The following CYB5R3 variants were observed in gnomAD, a reference collection of about 807,000 sequenced individuals.
The protein encoded by CYB5R3 is cytochrome b5 reductase 3.
Under a neutral mutation model 36.5 loss-of-function variants are expected in CYB5R3, and 28 were observed. The ratio of observed to expected loss-of-function variants is 0.77; its 90% CI spans 0.57 to 1.05. The LOEUF is 1.05. CYB5R3 is among the 50% of genes least tolerant of loss of function. CYB5R3 has a pLI of 0.00. For missense variants in CYB5R3, 474 were observed against 408.9 expected (o/e 1.16, Z -1.37); for synonymous variants, 181 against 159.8 (o/e 1.13, Z -1.00).
At chr22:42,630,850 C>T (rs1482061943) in intron 4 of CYB5R3, 32 bp downstream of exon 4, 5 of 1,574,234 alleles carry the variant, frequency 3.2e-6, no homozygotes, top group Admixed American at 3.5e-5. Context: ...CCCACCCACA[C>T]CCCCTCCACA....
chr22:42,620,395 A>G (rs2146860721), intron 8 of CYB5R3, among the ~76,000 whole-genome samples: 1 of 152,180 alleles, frequency 6.6e-6, no homozygotes, highest in African/African-American at 2.4e-5. Context: ...GCTCTGCCCC[A>G]GGCTGCTCAG....
intron 7 of CYB5R3, among the ~76,000 whole-genome samples, chr22:42,626,694 A>G (rs1263478854): frequency 6.6e-6 from 1 of 152,164 alleles, no homozygotes; most frequent in Non-Finnish European, 1.5e-5. Flanking sequence ...TCTCCCCCAA[A>G]TCTACGTCAT....
intron 8 of CYB5R3, among the ~76,000 whole-genome samples, chr22:42,620,787 T>C (rs1294496375): frequency 6.6e-6 from 1 of 152,200 alleles, no homozygotes; most frequent in South Asian, 2.1e-4. Flanking sequence ...CTTTATCTCA[T>C]GGACTCCATG....
At position 42,619,795 on chromosome 22, in the gene CYB5R3, G is replaced by A. The variant is rs768095972; in HGVS notation, c.884C>T (p.Thr295Met). Residue 295 changes from threonine (T) to methionine (M), a missense_variant, in exon 9 of 9, where the codon ACG becomes ATG. Transcript: ENST00000352397. ...CCCTCAGAAGACGAAGCAGCGCTCCGTGGGGTGGCCCACGTGGTCCAGGTT... is the reference window on the plus strand; with the variant it reads ...CCCTCAGAAGACGAAGCAGCGCTCCATGGGGTGGCCCACGTGGTCCAGGTT... ...LPNLDHVGHPTERCFVF is the reference protein window; with the variant it reads ...LPNLDHVGHPMERCFVF 4 of 1,592,796 alleles carry A rather than the reference G, an allele frequency of 2.5e-6. No homozygotes were observed. The Admixed American group carries it at 5.3e-5, about 21-fold the overall frequency.
chr22:42,646,551 C>A, intron 1 of CYB5R3: 1 of 689,038 alleles, frequency 1.5e-6, no homozygotes, highest in Non-Finnish European at 1.8e-6. Flanking sequence ...GAGAGAGCTG[C>A]CAGGGCCCCC....
rs149268873 is a variant in CYB5R3, at chr22:42,631,410, G to A, written c.194C>T (p.Pro65Leu). The A allele has an allele frequency of 2.6e-6, 4 of 1,551,638 alleles. No individual in the cohort carries two copies. Among genetic ancestry groups the A allele is most frequent in the Admixed American group, 2.0e-5 (1 of 51,004 alleles). ...HDTRRFRFAL[P>L]SPQHILGLPV... ...GAGGCCCAGGATGTGCTGGGGTGAC[G>A]GCAGGGCAAAGCGGAAGCGCCGGGT... Residue 65 changes from proline (P) to leucine (L), a missense_variant, in exon 3 of 9, where the codon CCG becomes CTG. By Grantham distance (98) the Pro-to-Leu change is moderately conservative (BLOSUM62 -3). Transcript: ENST00000352397.
At chr22:42,642,983 A>G (rs1349394312) in intron 1 of CYB5R3, among the ~76,000 whole-genome samples, 1 of 152,184 alleles carries the variant, frequency 6.6e-6, no homozygotes, top group Admixed American at 6.5e-5. Context: ...GCTGAGAAAC[A>G]AGTTCCTTGC....
chr22:42,624,833 C>T (rs934696951), intron 7 of CYB5R3, among the ~76,000 whole-genome samples: 6 of 152,156 alleles, frequency 3.9e-5, no homozygotes, highest in African/African-American at 1.4e-4. Context: ...GAGGCAGCCA[C>T]AGACGTGACT....
At chr22:42,638,252 C>T (rs968912631) in intron 1 of CYB5R3, among the ~76,000 whole-genome samples, 2 of 151,528 alleles carry the variant, frequency 1.3e-5, no homozygotes, top group Non-Finnish European at 1.5e-5. Flanking sequence ...AAAAATTAGC[C>T]GGGCGTGGTG....
chr22:42,640,551 G>A (rs1929205135), intron 1 of CYB5R3: 1 of 171,348 alleles, frequency 5.8e-6, no homozygotes, highest in Non-Finnish European at 1.2e-5. Flanking sequence ...GCTAATTTTT[G>A]TACTTTTAGT....
In CYB5R3 at chr22:42,627,257, C is replaced by T. The variant is rs78965139; in HGVS notation, c.633+47G>A. 182 of 1,539,486 alleles carry T rather than the reference C, an allele frequency of 1.2e-4. No individual in the cohort carries two copies. The African/African-American group carries it at 2.3e-3, about 20-fold the overall frequency. Reference sequence around the variant, plus strand: ...CAGCACCTGACCAGGCCCGAAGTCCCCTCTCAGGGTAAGCTGAGTTTCCCC... The same window carrying T: ...CAGCACCTGACCAGGCCCGAAGTCCTCTCTCAGGGTAAGCTGAGTTTCCCC... On this transcript the variant is annotated intron_variant, in intron 7 of 8. Coordinates refer to ENST00000352397, the MANE Select transcript of CYB5R3 (RefSeq NM_000398.7).
intron 2 of CYB5R3, among the ~76,000 whole-genome samples, chr22:42,634,635 T>G (rs1029934595): frequency 4.8e-5 from 7 of 145,794 alleles, no homozygotes; most frequent in African/African-American, 1.8e-4. Context: ...ATTGATTGAT[T>G]GATTGATTGA....
chr22:42,625,706 G>A (rs1928231475), intron 7 of CYB5R3, among the ~76,000 whole-genome samples: 1 of 152,086 alleles, frequency 6.6e-6, no homozygotes, highest in Non-Finnish European at 1.5e-5. Flanking sequence ...ACGGAGGAAG[G>A]TAGGAGAGGA....
chr22:42,620,409 G>A (rs185675870), intron 8 of CYB5R3, among the ~76,000 whole-genome samples: 1 of 152,144 alleles, frequency 6.6e-6, no homozygotes, highest in Admixed American at 6.5e-5. Context: ...TGCTCAGGGT[G>A]ACAGTCTCTA....
chr22:42,626,537 C>T (rs1448187210), intron 7 of CYB5R3, among the ~76,000 whole-genome samples: 1 of 152,168 alleles, frequency 6.6e-6, no homozygotes, highest in Non-Finnish European at 1.5e-5. Flanking sequence ...GCCCTCTCTC[C>T]CTCCACACCA....
At chr22:42,647,285 C>T (rs757120250) in intron 1 of CYB5R3, among the ~76,000 whole-genome samples, 2 of 152,156 alleles carry the variant, frequency 1.3e-5, no homozygotes, top group Admixed American at 6.5e-5. Context: ...CAGTGCTCTG[C>T]CCCTTACAGA....
intron 2 of CYB5R3, among the ~76,000 whole-genome samples, chr22:42,636,133 T>C (rs1294755311): frequency 6.6e-6 from 1 of 152,074 alleles, no homozygotes; most frequent in South Asian, 2.1e-4. Context: ...GGAGAATCAC[T>C]TGAGCCTGGG....
At chr22:42,638,790 TG>T (rs1052844729) in intron 1 of CYB5R3, among the ~76,000 whole-genome samples, 1 of 145,324 alleles carries the variant, frequency 6.9e-6, no homozygotes, top group African/African-American at 2.6e-5. Context: ...CCCAGCACTT[TG>T]GGAGGCTGAG....
chr22:42,625,033 G>A (rs985627042), intron 7 of CYB5R3, among the ~76,000 whole-genome samples: 3 of 152,172 alleles, frequency 2.0e-5, no homozygotes, highest in African/African-American at 7.2e-5. Context: ...GGGAGGCTGA[G>A]GGCCCTTTCT....
Sources: gnomAD v4.1 joint callset for allele counts (sites outside exome capture counted in the v4.1 genomes callset) on GRCh38, gnomAD v4.1.1 for gene constraint, MANE v1.5 for transcripts, NCBI Gene and HGNC (gene_info 2026-07-23, HGNC 2026-07-21) for gene names.